HDAC6: variants seen among roughly 807,000 people sequenced by gnomAD.
HDAC6 encodes the protein histone deacetylase 6.
Under a neutral mutation model 88.9 loss-of-function variants are expected in HDAC6, and 5 were observed. The observed-to-expected ratio is 0.06, with a 90% CI of 0.03 to 0.12. HDAC6 has a LOEUF of 0.12. Among genes scored for constraint, HDAC6 ranks in the 10% least tolerant of loss-of-function variants. The probability of loss-of-function intolerance (pLI) is 1.00; values close to 1 mark genes in which losing one functional copy is unlikely to be tolerated. For synonymous variants in HDAC6, 378 were observed against 398.0 expected (o/e 0.95, Z 0.60); for missense variants, 706 against 1,014.4 (o/e 0.70, Z 4.13).
At chrX:48,815,803 T>C (rs1192175351) in intron 16 of HDAC6, 81 bp from the exon 17 acceptor site, 5 of 1,100,806 alleles carry the variant, frequency 4.5e-6, no homozygotes, top group Admixed American at 2.5e-5. Context: ...CACCCCTTTT[T>C]CTGTTTGGGT....
intron 10 of HDAC6, chrX:48,810,858 T>G (rs1428077788): frequency 3.6e-5 from 4 of 111,384 alleles, no homozygotes; most frequent in African/African-American, 1.3e-4. Flanking sequence ...GTCTCTTTTT[T>G]CTTTTGCTGT....
intron 10 of HDAC6, chrX:48,813,587 A>T (rs2062934667): frequency 8.9e-6 from 1 of 112,049 alleles, no homozygotes; most frequent in African/African-American, 3.2e-5. Context: ...TAGATTATTC[A>T]TTTTGCTTTC....
rs148969792 is a variant in HDAC6 at position 48,814,467 on chromosome X, C to T, written c.834C>T (p.Tyr278=). Reference sequence around the variant, plus strand: ...TCCTCTATTTCTCCATCCACCGCTACGAGCAGGGTAGGTTCTGGCCCCACC... The same window carrying T: ...TCCTCTATTTCTCCATCCACCGCTATGAGCAGGGTAGGTTCTGGCCCCACC... ...PSVLYFSIHR[Y]EQGRFWPHLK... is the part of the protein sequence containing the mutation. The change falls in exon 11 of 29, where the codon TAC becomes TAT. Residue 278 remains tyrosine, a synonymous_variant. Transcript: ENST00000334136. 10 of 1,209,724 alleles carry T rather than the reference C, an allele frequency of 8.3e-6. No homozygotes were observed. Among genetic ancestry groups the T allele is most frequent in the East Asian group, 3.0e-5 (1 of 33,764 alleles).
chrX:48,803,086 G>T (rs782164804), intron 3 of HDAC6, 42 bp from the exon 4 acceptor site: 8 of 1,194,725 alleles, frequency 6.7e-6, no homozygotes, highest in African/African-American at 1.8e-5. Context: ...CTGACTCAGG[G>T]CCTAAAATGG....
intron 4 of HDAC6, among the ~76,000 whole-genome samples, chrX:48,804,381 T>A (rs2062779757): frequency 9.0e-6 from 1 of 111,399 alleles, no homozygotes; most frequent in Non-Finnish European, 1.9e-5. Context: ...GACCAACCCC[T>A]TTCCCAGAGA....
chrX:48,814,263 T>G (rs2062946046), intron 10 of HDAC6, 177 bp from the exon 11 acceptor site: 1 of 474,075 alleles, frequency 2.1e-6, no homozygotes, highest in Non-Finnish European at 3.5e-6. Flanking sequence ...TAAGGGTAAA[T>G]TAATGGAAGA....
At position 48,823,717 on chromosome X, in the gene HDAC6, G is replaced by A. The variant is rs1557031272; in HGVS notation, c.3235G>A (p.Glu1079Lys). The change falls in exon 26 of 29, where the codon GAG (glutamate) becomes AAG (lysine). Residue 1079 changes from glutamate to lysine, a missense_variant. Glu to Lys is a moderately conservative substitution (Grantham distance 56, BLOSUM62 1). This residue lies in a region of HDAC6 where 112 missense variants were observed against 95.1 expected (regional missense o/e 1.18). Transcript: ENST00000334136. ...QAPGEENLLG[E>K]AAGGQDMADS... ...CCCAGGAGAGGAGAACCTACTAGGAGAGGCAGCTGGAGGTCAGGACATGGC... is the reference window on the plus strand; with the variant it reads ...CCCAGGAGAGGAGAACCTACTAGGAAAGGCAGCTGGAGGTCAGGACATGGC... The A allele has an allele frequency of 2.5e-6, 3 of 1,209,947 alleles. No individual in the cohort carries two copies. The highest frequency in any genetic ancestry group is 2.3e-4 in the Middle Eastern group (1 of 4,352).
In HDAC6 at chrX:48,803,198, A is replaced by G; in HGVS notation, c.293A>G (p.His98Arg). 8.3e-7 allele frequency: 1 copy of G among 1,207,101 alleles called. No homozygotes were observed. Among genetic ancestry groups the G allele is most frequent in the South Asian group, 1.8e-5 (1 of 56,518 alleles). ...LVLDEQLNEF[H>R]CLWDDSFPEG... is the part of the protein sequence containing the mutation. ...TTGGATGAGCAGTTAAATGAATTCC[A>G]TTGCCTCTGGGATGACAGGTGAGGC... Residue 98 changes from histidine (H) to arginine (R), a missense_variant, in exon 4 of 29, where the codon CAT becomes CGT. Transcript: ENST00000334136.
chrX:48,817,310 C>T lies in HDAC6; in HGVS notation c.1792-16C>T. The T allele has an allele frequency of 8.4e-7, 1 of 1,184,965 alleles. No homozygotes were observed. Among genetic ancestry groups the T allele is most frequent in the Non-Finnish European group, 1.1e-6 (1 of 880,683 alleles). ...GAGGGCAGGCTGTCCGATCTTAGCA[C>T]CCTGCTGCTTCCCAGGTTCTGAATG... On this transcript the variant is annotated splice_polypyrimidine_tract_variant and intron_variant, in intron 19 of 28. Transcript: ENST00000334136.
Position 48,823,701 on chromosome X carries a change from G to C in HDAC6, c.3219G>C (p.Glu1073Asp). ...QGASESQAPG[E>D]ENLLGEAAGG... ...CCTCAGAATCTCAGGCCCCAGGAGAGGAGAACCTACTAGGAGAGGCAGCTG... is the reference window on the plus strand; with the variant it reads ...CCTCAGAATCTCAGGCCCCAGGAGACGAGAACCTACTAGGAGAGGCAGCTG... The change falls in exon 26 of 29, where the codon GAG (glutamate) becomes GAC (aspartate). Residue 1073 changes from glutamate (E) to aspartate (D), a missense_variant. Glu to Asp is a conservative substitution (Grantham distance 45, BLOSUM62 2). Transcript: ENST00000334136. 8.3e-7 allele frequency: 1 copy of C among 1,209,813 alleles called. No homozygotes were observed. Among genetic ancestry groups the C allele is most frequent in the African/African-American group, 1.7e-5 (1 of 57,694 alleles).
chrX:48,802,033 C>T (rs1436025484), upstream of HDAC6: 8 of 933,550 alleles, frequency 8.6e-6, no homozygotes, highest in Non-Finnish European at 9.5e-6. Flanking sequence ...GTTAGCGAAA[C>T]GTTAGCGGTC....
Position 48,805,574 on chromosome X carries a change from C to T in HDAC6, c.396+52C>T, listed in dbSNP as rs1557023962. 5 of 1,177,636 alleles carry T rather than the reference C, an allele frequency of 4.2e-6. No homozygotes were observed. The African/African-American group carries it at 5.3e-5, about 13-fold the overall frequency. On this transcript the variant is annotated intron_variant, in intron 5 of 28. Coordinates refer to ENST00000334136, the MANE Select transcript of HDAC6 (RefSeq NM_006044.4). ...GTGAAGGGCAGGGAGCTGACCTGAC[C>T]TGGGTGCAGCCCATGCCTTAACCCT...
rs1557026990 is a variant in HDAC6 at position 48,814,967 on chromosome X, G to C, written c.1065G>C (p.Glu355Asp). ...GACCCTCCATGTCCCCCCAGGGTGA[G>C]ATGGCCGCCACTCCGGCAGGGTTCG... ...FDALQGDPKGEMAATPAGFAQ... is the reference protein window; with the variant it reads ...FDALQGDPKGDMAATPAGFAQ... The change falls in exon 14 of 29, where the codon GAG becomes GAC. Residue 355 changes from glutamate to aspartate, a missense_variant. Physicochemically the swap from Glu to Asp is conservative, Grantham distance 45. This residue lies in a region of HDAC6 where 106 missense variants were observed against 135.1 expected (regional missense o/e 0.78). Transcript: ENST00000334136. 12 of 1,207,219 alleles carry C rather than the reference G, an allele frequency of 9.9e-6. No individual in the cohort carries two copies. In the Admixed American group the frequency reaches 2.4e-4, roughly 24 times the overall value.
rs1557022725 is a variant in HDAC6, at chrX:48,802,649, C to T, written c.-30-14C>T. Reference sequence around the variant, plus strand: ...AGCCCCCTCACATACCCACGCTCCTCCCCCCACCCCCAGAACCGCGGCAGG... The same window carrying T: ...AGCCCCCTCACATACCCACGCTCCTTCCCCCACCCCCAGAACCGCGGCAGG... On this transcript the variant is annotated splice_polypyrimidine_tract_variant and intron_variant, in intron 1 of 28. Transcript: ENST00000334136. The T allele has an allele frequency of 1.7e-6, 2 of 1,173,017 alleles. No homozygotes were observed. The highest frequency in any genetic ancestry group is 1.8e-5 in the African/African-American group (1 of 55,869).
chrX:48,821,129 C>T (rs1024828848), intron 23 of HDAC6, among the ~76,000 whole-genome samples: 9 of 111,093 alleles, frequency 8.1e-5, no homozygotes, highest in Non-Finnish European at 1.7e-4. Context: ...TGAGCCACCG[C>T]ACCTGGCCCC....
In HDAC6 at chrX:48,824,432, T is replaced by A. The variant is rs2063134883; in HGVS notation, c.3580-112T>A. 3.7e-6 allele frequency: 4 copies of A among 1,073,665 alleles called. No homozygotes were observed. In the Admixed American group the frequency reaches 6.9e-5, roughly 19 times the overall value. 88.5% of individuals were successfully genotyped at this position (1,073,665 alleles called of 1,213,427 possible). A position where few individuals can be genotyped will look rare whatever the true frequency, so the allele number is the denominator to read the frequency against. The stretch of plus-strand genomic sequence containing the variant: ...ATTATTTTGCATGGGGCGGGGGCTG[T>A]GGGATAGTCCAGAAGACAGAGTGGT... On this transcript the variant is annotated intron_variant, in intron 28 of 28. Coordinates refer to ENST00000334136, the MANE Select transcript of HDAC6 (RefSeq NM_006044.4).
At chrX:48,801,726 C>T (rs1340360863), upstream of HDAC6, 3 of 527,325 alleles carry the variant, frequency 5.7e-6, no homozygotes, top group African/African-American at 2.5e-5. Context: ...CGACGCACCG[C>T]CCCGCCGCTT....
chrX:48,816,855 G>A (rs1557027840), intron 19 of HDAC6: 4 of 397,315 alleles, frequency 1.0e-5, no homozygotes, highest in African/African-American at 2.6e-5. Flanking sequence ...TAATCCTAGC[G>A]CTTTGAGAAG....
intron 19 of HDAC6, chrX:48,816,926 C>A: frequency 3.1e-6 from 1 of 322,761 alleles, no homozygotes. Context: ...TGCACTCTAG[C>A]CTGGGCAACA....
Sources: gnomAD v4.1 joint callset for allele counts (sites outside exome capture counted in the v4.1 genomes callset) on GRCh38, gnomAD v4.1.1 for gene constraint, gnomAD v4.1.1 regional missense constraint, MANE v1.5 for transcripts, NCBI Gene and HGNC (gene_info 2026-07-23, HGNC 2026-07-21) for gene names.